The following PLA2G4E variants were observed in gnomAD, a reference collection of about 807,000 sequenced individuals.
The protein encoded by PLA2G4E is cytosolic phospholipase A2 epsilon.
Under a neutral mutation model 109.1 loss-of-function variants are expected in PLA2G4E, and 84 were observed. The observed-to-expected ratio is 0.77, with a 90% confidence interval of 0.65 to 0.92. The LOEUF (loss-of-function observed/expected upper bound fraction) is 0.92. Among genes scored for constraint, PLA2G4E ranks in the 40% least tolerant of loss-of-function variants. The pLI is 0.00. For synonymous variants in PLA2G4E, 469 were observed against 436.1 expected (o/e 1.08, Z -0.94); for missense variants, 1,057 against 1,076.6 (o/e 0.98, Z 0.25).
chr15:42,050,600 A>G, exon 1 of PLA2G4E: 1 of 1,550,614 alleles, frequency 6.4e-7, no homozygotes, highest in Non-Finnish European at 8.7e-7. Context: ...GAACTCACTG[A>G]AACTTCTTCC....
exon 19 of PLA2G4E, chr15:41,984,619 G>T (rs1043466808): frequency 1.9e-6 from 3 of 1,600,252 alleles, no homozygotes; most frequent in Non-Finnish European, 2.6e-6. Flanking sequence ...TGTTTCAGGG[G>T]CTGGAACAGC....
chr15:42,042,145 T>C (rs1889326178), intron 1 of PLA2G4E, among the ~76,000 whole-genome samples: 1 of 152,250 alleles, frequency 6.6e-6, no homozygotes, highest in Admixed American at 6.5e-5. Flanking sequence ...TATGATGTTA[T>C]GTTATGTAGC....
intron 12 of PLA2G4E, 29 bp from the exon 13 acceptor site, chr15:41,992,988 G>T (rs1473982415): frequency 3.8e-6 from 6 of 1,574,078 alleles, no homozygotes; most frequent in Non-Finnish European, 5.2e-6. Context: ...AGCTGATAGG[G>T]CTGACCCGGC....
intron 17 of PLA2G4E, 133 bp downstream of exon 17, chr15:41,987,039 T>G: frequency 4.5e-6 from 4 of 895,936 alleles, no homozygotes; most frequent in Non-Finnish European, 6.8e-6. Context: ...GAAAACACCA[T>G]GGGGAGAGAG....
At chr15:42,042,633 G>A (rs181657417) in intron 1 of PLA2G4E, among the ~76,000 whole-genome samples, 1 of 151,488 alleles carries the variant, frequency 6.6e-6, no homozygotes, top group East Asian at 1.9e-4. Context: ...CATCCTCTGG[G>A]AGTAGCAGGA....
chr15:41,988,050 G>A (rs1595556662), exon 16 of PLA2G4E: 9 of 1,591,942 alleles, frequency 5.7e-6, no homozygotes, highest in South Asian at 2.3e-5. Flanking sequence ...GTCACCCACC[G>A]ATGTCCTGCA....
chr15:42,037,737 C>T (rs1004921584), intron 1 of PLA2G4E, among the ~76,000 whole-genome samples: 2 of 152,224 alleles, frequency 1.3e-5, no homozygotes, highest in African/African-American at 4.8e-5. Flanking sequence ...TCTGTGACTC[C>T]CTCTTCGGGG....
chr15:41,994,053 C>T (rs145604515), intron 12 of PLA2G4E, among the ~76,000 whole-genome samples: 229 of 152,252 alleles, frequency 1.5e-3, no homozygotes, highest in African/African-American at 5.0e-3. Flanking sequence ...AACCTACTAC[C>T]GGGGGCAGCC....
chr15:42,004,184 C>T (rs2068449274), intron 5 of PLA2G4E, among the ~76,000 whole-genome samples: 1 of 152,106 alleles, frequency 6.6e-6, no homozygotes, highest in Non-Finnish European at 1.5e-5. Flanking sequence ...TTCCTGTAAT[C>T]ACAGTTACTC....
intron 6 of PLA2G4E, 82 bp from the exon 7 acceptor site, chr15:42,001,302 C>A: frequency 7.8e-7 from 1 of 1,288,354 alleles, no homozygotes; most frequent in South Asian, 1.2e-5. Context: ...AGATGAGGGA[C>A]CAGAGGATAC....
At chr15:41,999,416 A>G (rs2068388810) in intron 10 of PLA2G4E, 108 bp downstream of exon 10, 8 of 799,062 alleles carry the variant, frequency 1.0e-5, no homozygotes, top group Non-Finnish European at 1.7e-5. Flanking sequence ...AAAGATGTTC[A>G]ACATCATTAG....
chr15:42,026,498 A>G (rs2068694028), intron 1 of PLA2G4E, among the ~76,000 whole-genome samples: 2 of 152,230 alleles, frequency 1.3e-5, no homozygotes, highest in African/African-American at 4.8e-5. Flanking sequence ...ATTTTACTAC[A>G]GCTACTAAAT....
intron 2 of PLA2G4E, 90 bp downstream of exon 2, chr15:42,013,595 A>G: frequency 7.7e-7 from 1 of 1,291,612 alleles, no homozygotes; most frequent in Non-Finnish European, 1.1e-6. Context: ...GCACACACAC[A>G]CACGGATCCA....
chr15:42,023,966 C>A (rs1269771526), intron 1 of PLA2G4E, among the ~76,000 whole-genome samples: 3 of 152,192 alleles, frequency 2.0e-5, no homozygotes, highest in Admixed American at 6.5e-5. Context: ...ACTAAGTGGA[C>A]TGATCTACTG....
chr15:42,005,968 A>AG, intron 4 of PLA2G4E, 22 bp downstream of exon 4: 2 of 1,612,212 alleles, frequency 1.2e-6, no homozygotes, highest in Non-Finnish European at 8.5e-7. Context: ...CCGGAGTCTG[A>AG]GGGCCTGTAC....
In PLA2G4E at chr15:41,990,234, C is replaced by A. The variant is rs1007698021; in HGVS notation, c.1472G>T (p.Arg491Ile). ...CTGATCTGACAGTTTGCATTCATTT[C>A]TCTGTGGGGAAACAAAATGGTTAAA... The change falls in exon 14 of 20, where the codon AGA becomes ATA. Residue 491 changes from arginine to isoleucine, a missense_variant and splice_region_variant. Physicochemically the swap from Arg to Ile is moderately conservative, Grantham distance 97. Transcript: ENST00000399518. 5.0e-6 allele frequency: 8 copies of A among 1,613,330 alleles called. No individual in the cohort carries two copies. The highest frequency in any genetic ancestry group is 2.2e-5 in the East Asian group (1 of 44,864).
At chr15:41,990,403 C>T (rs1203027688) in intron 13 of PLA2G4E, among the ~76,000 whole-genome samples, 168 bp from the exon 14 acceptor site, 1 of 152,186 alleles carries the variant, frequency 6.6e-6, no homozygotes, top group Non-Finnish European at 1.5e-5. Flanking sequence ...TGAAAGGGCA[C>T]CAATGGCATA....
intron 1 of PLA2G4E, among the ~76,000 whole-genome samples, chr15:42,032,207 T>A (rs531609367): frequency 6.6e-6 from 1 of 152,226 alleles, no homozygotes; most frequent in Non-Finnish European, 1.5e-5. Context: ...CTTTTCTTTG[T>A]AAATTACCTA....
intron 1 of PLA2G4E, among the ~76,000 whole-genome samples, chr15:42,033,796 C>T (rs563039186): frequency 7.2e-5 from 11 of 152,274 alleles, no homozygotes; most frequent in Non-Finnish European, 2.9e-5. Context: ...CAGCCCCTGG[C>T]CCTGGGTGGA....
Sources: gnomAD v4.1 joint callset for allele counts (sites outside exome capture counted in the v4.1 genomes callset) on GRCh38, gnomAD v4.1.1 for gene constraint, MANE v1.5 for transcripts, NCBI Gene and HGNC (gene_info 2026-07-23, HGNC 2026-07-21) for gene names.